RNGTT: variants seen among roughly 807,000 people sequenced by gnomAD.
RNGTT encodes RNA guanylyltransferase and 5'-phosphatase.
Under a neutral mutation model 79.3 loss-of-function variants are expected in RNGTT, and 33 were observed. That is an observed-to-expected ratio of 0.42 (90% confidence interval 0.32 to 0.56). The LOEUF (loss-of-function observed/expected upper bound fraction) is 0.56, where lower values mean the gene tolerates loss of function less well. Among genes scored for constraint, RNGTT ranks in the 20% least tolerant of loss-of-function variants. RNGTT has a pLI of 0.17. For synonymous variants in RNGTT, 222 were observed against 235.9 expected (o/e 0.94, Z 0.54); for missense variants, 497 against 739.1 (o/e 0.67, Z 3.80).
intron 13 of RNGTT, among the ~76,000 whole-genome samples, chr6:88,688,684 A>G (rs552324538): frequency 2.6e-5 from 4 of 152,334 alleles, no homozygotes; most frequent in African/African-American, 4.8e-5. Context: ...CACTAAAATA[A>G]AATTATAGTA....
rs1025004909 is a variant in RNGTT at position 88,628,719 on chromosome 6, A to G, written c.1507-14324T>C. 1.1e-4 allele frequency among the ~76,000 whole-genome samples: 17 copies of G among 152,174 alleles called. 1 individual carries two copies. The highest frequency in any genetic ancestry group is 5.9e-4 in the Admixed American group (9 of 15,264). On this transcript the variant is annotated intron_variant, in intron 14 of 15. Transcript: ENST00000369485. The stretch of plus-strand genomic sequence containing the variant: ...TAATAATGAGGAAATTAAGAATGAG[A>G]ATATTTAAATAGTTTCTTCAAGACA...
rs139351931 is a variant in RNGTT at position 88,908,496 on chromosome 6, T to C, written c.368-2056A>G. On this transcript the variant is annotated intron_variant, in intron 4 of 15. Coordinates refer to ENST00000369485, the MANE Select transcript of RNGTT (RefSeq NM_003800.5). ...CAATAGAGAGGCAAAGCAGACACAG[T>C]GTTTGAAGAGGGAAGAAGCGACGTA... is the stretch of plus-strand genomic sequence containing the variant. Among the ~76,000 whole-genome samples, 804 of 152,006 alleles carry C rather than the reference T, an allele frequency of 5.3e-3. 7 individuals are homozygous for C. Among genetic ancestry groups the C allele is most frequent in the African/African-American group, 0.019 (768 of 41,468 alleles).
chr6:88,715,299 C>T (rs1315296511), intron 13 of RNGTT, among the ~76,000 whole-genome samples: 4 of 152,108 alleles, frequency 2.6e-5, no homozygotes, highest in Admixed American at 2.6e-4. Flanking sequence ...CAAACCACTG[C>T]TCAATGAAAT....
At chr6:88,672,266 T>C (rs955276023) in intron 14 of RNGTT, among the ~76,000 whole-genome samples, 4 of 148,620 alleles carry the variant, frequency 2.7e-5, no homozygotes, top group Non-Finnish European at 4.5e-5. Context: ...TACACACACA[T>C]ATATATAAAT....
At chr6:88,833,973 A>C (rs1340876938) in intron 11 of RNGTT, among the ~76,000 whole-genome samples, 2 of 152,246 alleles carry the variant, frequency 1.3e-5, no homozygotes, top group African/African-American at 4.8e-5. Context: ...GTGAGCCGAG[A>C]TAGCACCAAT....
chr6:88,908,223 T>A (rs1210798807), intron 4 of RNGTT, among the ~76,000 whole-genome samples: 1 of 152,020 alleles, frequency 6.6e-6, no homozygotes, highest in Non-Finnish European at 1.5e-5. Flanking sequence ...ACAAAAAGCA[T>A]AAAATGAAGA....
In RNGTT at chr6:88,751,411, C is replaced by A. The variant is rs193212265; in HGVS notation, c.1439+18363G>T. On this transcript the variant is annotated intron_variant, in intron 13 of 15. Coordinates refer to ENST00000369485, the MANE Select transcript of RNGTT (RefSeq NM_003800.5). ...ATGAATATTTAAATAACTCATGTAA[C>A]TGCATAGTGGTCAGTAAAAATATTC... is the stretch of plus-strand genomic sequence containing the variant. Among the ~76,000 whole-genome samples, 863 of 152,144 alleles carry A rather than the reference C, an allele frequency of 5.7e-3. 8 individuals carry two copies. Among genetic ancestry groups the A allele is most frequent in the Non-Finnish European group, 9.1e-3 (618 of 67,958 alleles).
At chr6:88,810,419 A>C (rs892777405) in intron 11 of RNGTT, among the ~76,000 whole-genome samples, 1 of 152,220 alleles carries the variant, frequency 6.6e-6, no homozygotes, top group Non-Finnish European at 1.5e-5. Flanking sequence ...CGCTGAGATG[A>C]AAATTTCAAA....
At chr6:88,672,322 T>C (rs1446539509) in intron 14 of RNGTT, among the ~76,000 whole-genome samples, 1 of 151,900 alleles carries the variant, frequency 6.6e-6, no homozygotes, top group East Asian at 1.9e-4. Context: ...TACACATATA[T>C]GTATAAATGT....
chr6:88,857,252 C>T (rs923025304), intron 8 of RNGTT, among the ~76,000 whole-genome samples: 2 of 152,048 alleles, frequency 1.3e-5, no homozygotes, highest in Admixed American at 6.5e-5. Flanking sequence ...TAACTAATAC[C>T]ACCTTAGAGT....
chr6:88,793,574 T>C (rs976475090), intron 12 of RNGTT, among the ~76,000 whole-genome samples: 2 of 152,198 alleles, frequency 1.3e-5, no homozygotes, highest in African/African-American at 4.8e-5. Context: ...ATTGAAATGA[T>C]GGTAGGATGG....
intron 14 of RNGTT, among the ~76,000 whole-genome samples, chr6:88,615,832 A>T (rs1052014450): frequency 2.0e-5 from 3 of 152,226 alleles, no homozygotes; most frequent in Non-Finnish European, 4.4e-5. Context: ...TTAACCAAAT[A>T]TAAAATTAGG....
At chr6:88,674,782 CA>C (rs968005774) in intron 14 of RNGTT, among the ~76,000 whole-genome samples, 8 of 151,772 alleles carry the variant, frequency 5.3e-5, no homozygotes, top group African/African-American at 1.9e-4. Context: ...GTAACAACAA[CA>C]AAAAAATCAC....
chr6:88,614,669 C>A (rs1423845399), intron 14 of RNGTT, among the ~76,000 whole-genome samples: 3 of 152,124 alleles, frequency 2.0e-5, no homozygotes, highest in Non-Finnish European at 2.9e-5. Flanking sequence ...CCATGCTGGG[C>A]CAAATGCAAA....
chr6:88,917,192 A>G (rs919401776), intron 4 of RNGTT, among the ~76,000 whole-genome samples: 8 of 152,234 alleles, frequency 5.3e-5, no homozygotes, highest in Non-Finnish European at 7.4e-5. Context: ...ACCACAAAAC[A>G]TGCTACTTTT....
chr6:88,638,492 A>G (rs1011051586), intron 14 of RNGTT, among the ~76,000 whole-genome samples: 6 of 152,264 alleles, frequency 3.9e-5, no homozygotes, highest in East Asian at 3.9e-4. Context: ...GCTTTTATGG[A>G]TGATCTATTA....
intron 2 of RNGTT, among the ~76,000 whole-genome samples, chr6:88,934,214 TA>T (rs1252946994): frequency 6.6e-6 from 1 of 152,160 alleles, no homozygotes; most frequent in Admixed American, 6.6e-5. Flanking sequence ...TGAATTTTTT[TA>T]AAGATGGTGT....
intron 13 of RNGTT, among the ~76,000 whole-genome samples, chr6:88,705,765 A>T (rs762391302): frequency 1.3e-5 from 2 of 152,122 alleles, no homozygotes; most frequent in East Asian, 3.8e-4. Flanking sequence ...GATAAAGTGA[A>T]TTTATTGCTG....
intron 13 of RNGTT, among the ~76,000 whole-genome samples, chr6:88,722,929 CA>C (rs1489701126): frequency 6.6e-6 from 1 of 152,040 alleles, no homozygotes; most frequent in African/African-American, 2.4e-5. Flanking sequence ...GCCAGCTGTA[CA>C]AAAGTACAGC....
Sources: gnomAD v4.1 joint callset for allele counts (sites outside exome capture counted in the v4.1 genomes callset) on GRCh38, gnomAD v4.1.1 for gene constraint, MANE v1.5 for transcripts, NCBI Gene and HGNC (gene_info 2026-07-23, HGNC 2026-07-21) for gene names.